The following TARBP2 variants were observed in gnomAD, a reference collection of about 807,000 sequenced individuals.
The protein encoded by TARBP2 is RISC-loading complex subunit TARBP2.
Under a neutral mutation model 40.4 loss-of-function variants are expected in TARBP2, and 23 were observed. The observed-to-expected ratio is 0.57, with a 90% CI of 0.41 to 0.81. TARBP2 has a LOEUF of 0.81. Among genes scored for constraint, TARBP2 ranks in the 30% least tolerant of loss-of-function variants. TARBP2 has a pLI of 0.00. For missense variants in TARBP2, 358 were observed against 473.7 expected (o/e 0.76, Z 2.27); for synonymous variants, 183 against 190.5 (o/e 0.96, Z 0.32).
In TARBP2 at chr12:53,505,870, G is replaced by A. The variant is rs765140321; in HGVS notation, c.943+20G>A. ...ATATTGGTATGGCTAGCTGGGGAGC[G>A]AGCCAGGGGATGGTGGGGGCTGGAC... On this transcript the variant is annotated intron_variant, in intron 8 of 8. Coordinates refer to ENST00000266987, the MANE Select transcript of TARBP2 (RefSeq NM_134323.2). The surrounding 1 kb of genome is among the most constrained non-coding windows in gnomAD (Gnocchi z 4.5). The A allele has an allele frequency of 5.6e-6, 9 of 1,610,590 alleles. No homozygotes were observed. The highest frequency in any genetic ancestry group is 2.2e-5 in the South Asian group (2 of 91,052).
At chr12:53,501,896 T>C in intron 1 of TARBP2, 119 bp from the exon 2 acceptor site, 1 of 1,460,880 alleles carries the variant, frequency 6.8e-7, no homozygotes, top group Non-Finnish European at 9.2e-7. Flanking sequence ...GATGCTAGAC[T>C]GTCTGGGGTT....
In TARBP2 at chr12:53,504,552, TG is replaced by T. The variant is rs1040521595; in HGVS notation, c.495+88del. 12 of 1,600,928 alleles carry T rather than the reference TG, an allele frequency of 7.5e-6. No homozygotes were observed. The African/African-American group carries it at 8.0e-5, about 11-fold the overall frequency. ...AGGGAAGGCTATGTGTGTTTGGGGG[TG>T]GGGGCGGTTCCTTGTACTGAGGCCC... is the stretch of plus-strand genomic sequence containing the variant. On this transcript the variant is annotated intron_variant, in intron 5 of 8. Coordinates refer to ENST00000266987, the MANE Select transcript of TARBP2 (RefSeq NM_134323.2).
At chr12:53,503,988 C>T (rs559570181) in intron 4 of TARBP2, 180 bp downstream of exon 4, 4 of 613,768 alleles carry the variant, frequency 6.5e-6, no homozygotes, top group Non-Finnish European at 1.2e-5. Context: ...GACAAGAGGT[C>T]ATTTGTGATT....
rs772203341 is a variant in TARBP2 at position 53,504,578 on chromosome 12, C to T, written c.495+109C>T. On this transcript the variant is annotated intron_variant, in intron 5 of 8. Transcript: ENST00000266987. ...GGGGGCGGTTCCTTGTACTGAGGCC[C>T]TTTCCACCCCCCTCTCTCCTTCCTC... 3.7e-6 allele frequency: 6 copies of T among 1,605,158 alleles called. No individual in the cohort carries two copies. In the Admixed American group the frequency reaches 1.0e-4, roughly 27 times the overall value.
chr12:53,501,434 GCACTAC>G lies in TARBP2; in HGVS notation c.30_35del (p.Thr11_Thr12del). 3.8e-6 allele frequency: 6 copies of G among 1,568,986 alleles called. No individual in the cohort carries two copies. The highest frequency in any genetic ancestry group is 5.2e-6 in the Non-Finnish European group (6 of 1,156,866). On this transcript the variant is annotated inframe_deletion, in exon 1 of 9. Transcript: ENST00000266987. ...ATGAGTGAAGAGGAGCAAGGCTCCG[GCACTAC>G]CACGGGCTGCGGGCTGCCTAGGTGA...
chr12:53,505,224 G>A lies in TARBP2; in HGVS notation c.703G>A (p.Gly235Ser). Residue 235 changes from glycine (G) to serine (S), a missense_variant, in exon 7 of 9, where the codon GGC (glycine) becomes AGC (serine). Physicochemically the swap from Gly to Ser is moderately conservative, Grantham distance 56 (BLOSUM62 0). This residue lies in a region of TARBP2 where 317 missense variants were observed against 422.9 expected (regional missense o/e 0.75). Coordinates refer to ENST00000266987, the MANE Select transcript of TARBP2 (RefSeq NM_134323.2). This position sits in a 1 kb window ranked among gnomAD's most constrained non-coding sequence, Gnocchi z 4.5. The stretch of plus-strand genomic sequence containing the variant: ...CACGGTGCCTCTGGATGCCCGGGAT[G>A]GCAATGAGGTGGAGCCTGATGATGA... ...VHTVPLDARD[G>S]NEVEPDDDHF... The A allele has an allele frequency of 6.2e-7, 1 of 1,609,608 alleles. No individual in the cohort carries two copies. Among genetic ancestry groups the A allele is most frequent in the Middle Eastern group, 1.7e-4 (1 of 6,044 alleles).
chr12:53,503,181 G>C, intron 3 of TARBP2, 52 bp downstream of exon 3: 2 of 1,500,202 alleles, frequency 1.3e-6, no homozygotes, highest in South Asian at 1.3e-5. Flanking sequence ...CCCAGGCCCT[G>C]CACCACCCAC....
At chr12:53,504,589 CCT>C (rs747206150) in intron 5 of TARBP2, 107 bp from the exon 6 acceptor site, 82 of 1,607,742 alleles carry the variant, frequency 5.1e-5, no homozygotes, top group Non-Finnish European at 5.4e-5. Flanking sequence ...TTTCCACCCC[CCT>C]CTCTCCTTCC....
Position 53,506,167 on chromosome 12 carries a change from G to C in TARBP2, c.*19G>C. ...CAAGTGAAGCCCCAGCTGGACTCAT[G>C]GATGTGCACCCTTTGCTCCCTGCTC... is the stretch of plus-strand genomic sequence containing the variant. On this transcript the variant is annotated 3_prime_UTR_variant, in exon 9 of 9. Transcript: ENST00000266987. The C allele has an allele frequency of 6.2e-7, 1 of 1,610,612 alleles. No individual in the cohort carries two copies.
At chr12:53,502,936 C>T in intron 2 of TARBP2, 91 bp from the exon 3 acceptor site, 23 of 1,346,592 alleles carry the variant, frequency 1.7e-5, no homozygotes, top group Non-Finnish European at 2.3e-5. Context: ...TTGATTGATT[C>T]CCTCTGGCTA....
In TARBP2 at chr12:53,505,080, G is replaced by A. The variant is rs1943909460; in HGVS notation, c.614-55G>A. Reference sequence around the variant, plus strand: ...CCCTCAATCCAAGTATGACCTGGGTGGAAGCACTGGGTCTGTGGGGAATCA... The same window carrying A: ...CCCTCAATCCAAGTATGACCTGGGTAGAAGCACTGGGTCTGTGGGGAATCA... On this transcript the variant is annotated intron_variant, in intron 6 of 8. Coordinates refer to ENST00000266987, the MANE Select transcript of TARBP2 (RefSeq NM_134323.2). This position sits in a 1 kb window ranked among gnomAD's most constrained non-coding sequence, Gnocchi z 4.5. The A allele has an allele frequency of 3.2e-6, 5 of 1,554,930 alleles. No individual in the cohort carries two copies. Among genetic ancestry groups the A allele is most frequent in the Non-Finnish European group, 3.5e-6 (4 of 1,143,064 alleles).
chr12:53,501,096 A>G, upstream of TARBP2: 1 of 416,862 alleles, frequency 2.4e-6, no homozygotes, highest in Non-Finnish European at 4.4e-6. Context: ...CGCGGAAGGA[A>G]GGAGGCGGGA....
In TARBP2 at chr12:53,506,372, T is replaced by G; in HGVS notation, c.*224T>G. 1.7e-6 allele frequency: 1 copy of G among 584,698 alleles called. No homozygotes were observed. The highest frequency in any genetic ancestry group is 1.9e-5 in the African/African-American group (1 of 53,874). The allele number at this position is 584,698 out of a possible 1,614,324, so 36.2% of individuals were successfully genotyped here. The stretch of plus-strand genomic sequence containing the variant: ...TTTTATTGGTGATGATGAATGGGAA[T>G]GAAATCAGGGGGCTGTCTACTAGAG... On this transcript the variant is annotated 3_prime_UTR_variant, in exon 9 of 9. Coordinates refer to ENST00000266987, the MANE Select transcript of TARBP2 (RefSeq NM_134323.2).
At position 53,506,227 on chromosome 12, in the gene TARBP2, T is replaced by G; in HGVS notation, c.*79T>G. 6.6e-7 allele frequency: 1 copy of G among 1,510,062 alleles called. No individual in the cohort carries two copies. The highest frequency in any genetic ancestry group is 8.9e-7 in the Non-Finnish European group (1 of 1,122,638). The allele number at this position is 1,510,062 out of a possible 1,614,324, so 93.5% of individuals were successfully genotyped here. ...CTGGGCTCATGTATCTGCGCAGCTC[T>G]GGTACCCTCTGTGGGTGCCATCTCT... On this transcript the variant is annotated 3_prime_UTR_variant, in exon 9 of 9. Coordinates refer to ENST00000266987, the MANE Select transcript of TARBP2 (RefSeq NM_134323.2).
intron 2 of TARBP2, chr12:53,502,552 A>G (rs1415622532): frequency 3.6e-6 from 1 of 276,928 alleles, no homozygotes; most frequent in Non-Finnish European, 7.0e-6. Flanking sequence ...AGTCTAACCA[A>G]TGATTGTAGG....
rs928979447 is a variant in TARBP2 at position 53,505,529 on chromosome 12, G to C, written c.742-120G>C. 1.6e-5 allele frequency: 19 copies of C among 1,175,456 alleles called. No individual in the cohort carries two copies. Among genetic ancestry groups the C allele is most frequent in the African/African-American group, 4.5e-5 (3 of 65,974 alleles). 72.8% of individuals were successfully genotyped at this position (1,175,456 alleles called of 1,614,324 possible). On this transcript the variant is annotated intron_variant, in intron 7 of 8. Transcript: ENST00000266987. The surrounding 1 kb of genome is among the most constrained non-coding windows in gnomAD (Gnocchi z 4.5). Reference sequence around the variant, plus strand: ...AGAAGGGGCCACCCAGGGATTGACTGGGGGGAGGCAAGCTGGAGGAAGCAT... The same window carrying C: ...AGAAGGGGCCACCCAGGGATTGACTCGGGGGAGGCAAGCTGGAGGAAGCAT...
chr12:53,505,919 G>A lies in TARBP2; in HGVS notation c.943+69G>A, dbSNP rs558339752. 9.3e-6 allele frequency: 15 copies of A among 1,604,766 alleles called. No homozygotes were observed. Among genetic ancestry groups the A allele is most frequent in the Admixed American group, 1.7e-5 (1 of 59,754 alleles). The stretch of plus-strand genomic sequence containing the variant: ...ACCGGAGCAAGTAGAAGGGGGTGAT[G>A]ATAACGTGAACGCACCCCTCCCCAG... On this transcript the variant is annotated intron_variant, in intron 8 of 8. Coordinates refer to ENST00000266987, the MANE Select transcript of TARBP2 (RefSeq NM_134323.2). The surrounding 1 kb of genome is among the most constrained non-coding windows in gnomAD (Gnocchi z 4.5).
chr12:53,501,149 G>A (rs1457661730), upstream of TARBP2: 1 of 548,850 alleles, frequency 1.8e-6, no homozygotes, highest in Non-Finnish European at 3.2e-6. Context: ...GAGAAGCGAC[G>A]GCGGAGGGCC....
upstream of TARBP2, chr12:53,501,272 C>A: frequency 1.1e-6 from 1 of 880,292 alleles, no homozygotes; most frequent in Non-Finnish European, 1.8e-6. Flanking sequence ...GGGCGGGGGA[C>A]TCCATATCCC....
Sources: allele counts gnomAD v4.1 joint callset, GRCh38; gene constraint gnomAD v4.1.1; regional missense constraint gnomAD v4.1.1; non-coding constraint Gnocchi (gnomAD v3.1); transcripts MANE v1.5; gene names NCBI Gene and HGNC (gene_info 2026-07-23, HGNC 2026-07-21).